The following ITPRID1 variants were observed in gnomAD, a reference collection of about 807,000 sequenced individuals.
ITPRID1 encodes ITPR interacting domain containing 1, also known as protein ITPRID1.
In ITPRID1, 96 loss-of-function variants were observed where a neutral mutation model predicts 95.4. The observed-to-expected ratio is 1.01, with a 90% CI of 0.85 to 1.19. The LOEUF (loss-of-function observed/expected upper bound fraction) is 1.19, where lower values mean the gene tolerates loss of function less well. Among genes scored for constraint, ITPRID1 ranks in the 50% most tolerant of loss-of-function variants. The pLI, the probability that ITPRID1 is intolerant of heterozygous loss-of-function variation, is 0.00. For missense variants in ITPRID1, 1,339 were observed against 1,252.9 expected (o/e 1.07, Z -1.04); for synonymous variants, 510 against 453.6 (o/e 1.12, Z -1.58).
intron 10 of ITPRID1, among the ~76,000 whole-genome samples, chr7:31,616,203 CTT>C (rs1362165160): frequency 4.0e-4 from 28 of 70,462 alleles, no homozygotes; most frequent in Non-Finnish European, 7.6e-4. Flanking sequence ...TTAATAACAT[CTT>C]AAATTGACCA....
intron 1 of ITPRID1, among the ~76,000 whole-genome samples, chr7:31,527,872 A>G (rs1783471960): frequency 6.6e-6 from 1 of 152,206 alleles, no homozygotes; most frequent in South Asian, 2.1e-4. Context: ...ACTAAGGATG[A>G]TATCTGTATG....
At chr7:31,517,125 A>C (rs748759675) in intron 1 of ITPRID1, among the ~76,000 whole-genome samples, 3 of 152,210 alleles carry the variant, frequency 2.0e-5, no homozygotes, top group African/African-American at 7.2e-5. Flanking sequence ...CAAACCTAGC[A>C]GATTTCAGGT....
intron 5 of ITPRID1, among the ~76,000 whole-genome samples, chr7:31,565,688 A>G (rs1402056438): frequency 1.3e-5 from 2 of 152,162 alleles, no homozygotes; most frequent in Admixed American, 6.6e-5. Context: ...CAGTGAGCTG[A>G]GATCACACCA....
Position 31,651,142 on chromosome 7 carries a change from T to C in ITPRID1, c.2584T>C (p.Cys862Arg). The C allele has an allele frequency of 6.2e-7, 1 of 1,612,730 alleles. No homozygotes were observed. Among genetic ancestry groups the C allele is most frequent in the East Asian group, 2.2e-5 (1 of 44,838 alleles). Residue 862 changes from cysteine to arginine, a missense_variant and splice_region_variant, in exon 13 of 15, where the codon TGC becomes CGC. Physicochemically the swap from Cys to Arg is radical, Grantham distance 180. Transcript: ENST00000615280. ...CTCAGTTCTTTCTCATTGTTCTCAG[T>C]GCACAGTCCATGAGATGGAAGCCAT... is the stretch of plus-strand genomic sequence containing the variant. ...QDTTVRELCS[C>R]TVHEMEAMKT...
At chr7:31,649,117 C>T (rs1790739287) in intron 12 of ITPRID1, among the ~76,000 whole-genome samples, 1 of 152,142 alleles carries the variant, frequency 6.6e-6, no homozygotes, top group Admixed American at 6.5e-5. Flanking sequence ...CTTTACTATG[C>T]AAAATACGTT....
Position 31,578,258 on chromosome 7 carries a change from C to T in ITPRID1, c.994C>T (p.Leu332Phe), listed in dbSNP as rs1186079310. Residue 332 changes from leucine (L) to phenylalanine (F), a missense_variant, in exon 9 of 15, where the codon CTT (leucine) becomes TTT (phenylalanine). By Grantham distance (22) the Leu-to-Phe change is conservative. Coordinates refer to ENST00000615280, the MANE Select transcript of ITPRID1 (RefSeq NM_001257967.3). ...TTTGCTACCTTATCCTCCTCATGGT[C>T]TTCTGAGCAAGCAGTGGCCTTGCTC... ...DDLLPYPPHG[L>F]LSKQWPCSSM... 5 of 1,613,898 alleles carry T rather than the reference C, an allele frequency of 3.1e-6. No homozygotes were observed. The highest frequency in any genetic ancestry group is 4.2e-6 in the Non-Finnish European group (5 of 1,179,818).
intron 5 of ITPRID1, among the ~76,000 whole-genome samples, chr7:31,561,393 G>C (rs148652605): frequency 9.9e-5 from 15 of 152,284 alleles, no homozygotes; most frequent in Non-Finnish European, 2.2e-4. Flanking sequence ...TGTGGGCAGA[G>C]TCTGGACCTG....
At chr7:31,573,420 G>T (rs1785063268) in intron 7 of ITPRID1, among the ~76,000 whole-genome samples, 1 of 151,870 alleles carries the variant, frequency 6.6e-6, no homozygotes, top group African/African-American at 2.4e-5. Context: ...AAAAGAAAGT[G>T]TGAACATGAT....
intron 10 of ITPRID1, among the ~76,000 whole-genome samples, chr7:31,614,300 A>G (rs111745786): frequency 5.9e-4 from 90 of 152,278 alleles, no homozygotes; most frequent in African/African-American, 2.1e-3. Context: ...GGAAGGCTAG[A>G]TCTAGTTCCT....
intron 5 of ITPRID1, among the ~76,000 whole-genome samples, chr7:31,565,133 G>A (rs957017432): frequency 6.6e-6 from 1 of 152,146 alleles, no homozygotes; most frequent in Non-Finnish European, 1.5e-5. Context: ...GAGTCTAAAT[G>A]TTGGAAAAAG....
intron 5 of ITPRID1, 33 bp downstream of exon 5, chr7:31,554,934 G>C (rs1428587598): frequency 6.7e-7 from 1 of 1,484,504 alleles, no homozygotes; most frequent in African/African-American, 1.4e-5. Context: ...GCTTTGGGAA[G>C]CTGAGTAGGA....
chr7:31,524,400 A>C (rs1583458112), intron 1 of ITPRID1, among the ~76,000 whole-genome samples: 1 of 152,320 alleles, frequency 6.6e-6, no homozygotes, highest in South Asian at 2.1e-4. Flanking sequence ...GTGTCCTGAA[A>C]GCATTTTATA....
At position 31,645,005 on chromosome 7, in the gene ITPRID1, A is replaced by G. The variant is rs76610096; in HGVS notation, c.2583+1052A>G. Among the ~76,000 whole-genome samples the G allele has an allele frequency of 4.2e-3, 638 of 152,286 alleles. 2 individuals carry two copies. Among genetic ancestry groups the G allele is most frequent in the Non-Finnish European group, 7.8e-3 (532 of 68,012 alleles). On this transcript the variant is annotated intron_variant, in intron 12 of 14. Transcript: ENST00000615280. ...TTTAACCTTCATTTTAATCCATTCC[A>G]TAAATATTTGTTGGGCTCCTAATAT...
rs550753501 is a variant in ITPRID1, at chr7:31,600,581, T to A, written c.1228+17390T>A. On this transcript the variant is annotated intron_variant, in intron 10 of 14. Transcript: ENST00000615280. ...GAGAAAGAAAGCCAAGTGCGTTGCA[T>A]AACCGGGATCCTAGGACTTTATAAG... Among the ~76,000 whole-genome samples the A allele has an allele frequency of 3.3e-5, 5 of 152,360 alleles. No individual in the cohort carries two copies. The East Asian group carries it at 9.6e-4, about 29-fold the overall frequency.
intron 10 of ITPRID1, among the ~76,000 whole-genome samples, chr7:31,597,557 A>G (rs1786141309): frequency 6.6e-6 from 1 of 151,866 alleles, no homozygotes; most frequent in Non-Finnish European, 1.5e-5. Context: ...ACCTATTAAG[A>G]GCACCTTATA....
In ITPRID1 at chr7:31,578,331, C is replaced by A. The variant is rs1242625491; in HGVS notation, c.1067C>A (p.Ser356Ter). 6.2e-7 allele frequency: 1 copy of A among 1,613,852 alleles called. No homozygotes were observed. The highest frequency in any genetic ancestry group is 2.2e-5 in the East Asian group (1 of 44,856). The change falls in exon 9 of 15, where the codon TCA becomes TAA. Residue 356 changes from serine (S) to a stop codon, truncating the protein, a stop_gained. Coordinates refer to ENST00000615280, the MANE Select transcript of ITPRID1 (RefSeq NM_001257967.3). LOFTEE classifies it high-confidence loss of function. The stretch of plus-strand genomic sequence containing the variant: ...CCTCCTTCCTGTGTGTCTGAGGGGT[C>A]AGTCAAGGGCAGAACTCAGAAGGAG... Reference protein sequence around the residue: ...QAPPSCVSEGSVKGRTQKENL... With the variant: ...QAPPSCVSEG
chr7:31,630,512 A>G (rs1176416032), intron 10 of ITPRID1, among the ~76,000 whole-genome samples: 13 of 152,262 alleles, frequency 8.5e-5, no homozygotes, highest in African/African-American at 3.1e-4. Flanking sequence ...GTAATGTTGA[A>G]CTAATAAAGA....
At chr7:31,537,424 A>T (rs1285910240) in intron 1 of ITPRID1, among the ~76,000 whole-genome samples, 3 of 152,068 alleles carry the variant, frequency 2.0e-5, no homozygotes, top group Non-Finnish European at 4.4e-5. Context: ...CTGCTACAAG[A>T]GACTTGCCAT....
intron 1 of ITPRID1, chr7:31,529,892 T>C: frequency 8.2e-7 from 1 of 1,226,262 alleles, no homozygotes; most frequent in Non-Finnish European, 1.2e-6. Context: ...ATTAGCTGTC[T>C]GCTCTCATTT....
Sources: gnomAD v4.1 joint callset for allele counts (sites outside exome capture counted in the v4.1 genomes callset) on GRCh38, gnomAD v4.1.1 for gene constraint, MANE v1.5 for transcripts, NCBI Gene and HGNC (gene_info 2026-07-23, HGNC 2026-07-21) for gene names.